ITGB4: variants seen among roughly 807,000 people sequenced by gnomAD.
ITGB4 encodes the protein integrin beta-4.
A neutral mutation model predicts 207.6 loss-of-function variants in ITGB4; 159 were observed. That is an observed-to-expected ratio of 0.77 (90% CI 0.67 to 0.87). The LOEUF is 0.87. ITGB4 is among the 40% of genes least tolerant of loss of function. The pLI is 0.00. For synonymous variants in ITGB4, 1,020 were observed against 1,062.7 expected (o/e 0.96, Z 0.78); for missense variants, 2,278 against 2,546.8 (o/e 0.89, Z 2.27).
rs374781459 is a variant in ITGB4 at position 75,740,963 on chromosome 17, G to A, written c.2610-19G>A. 45 of 1,613,860 alleles carry A rather than the reference G, an allele frequency of 2.8e-5. No homozygotes were observed. The highest frequency in any genetic ancestry group is 6.6e-5 in the South Asian group (6 of 91,082). ...ACTTCAGGGCTATCTAGCTCACAGCGCCCTCTTTGTCCCCACAGGCAGCAG... is the reference window on the plus strand; with the variant it reads ...ACTTCAGGGCTATCTAGCTCACAGCACCCTCTTTGTCCCCACAGGCAGCAG... On this transcript the variant is annotated intron_variant, in intron 22 of 39. Transcript: ENST00000200181. This position sits in a 1 kb window ranked among gnomAD's most constrained non-coding sequence, Gnocchi z 5.9.
At position 75,736,583 on chromosome 17, in the gene ITGB4, G is replaced by T; in HGVS notation, c.1879G>T (p.Glu627Ter). ...NYSAIHPGLC[E>*]DLRSCVQCQA... is the part of the protein sequence containing the mutation. ...CGCCAAGATCCACCCGGGCCTCTGC[G>T]AGGACCTACGCTCCTGCGTGCAGTG... The change falls in exon 16 of 40, where the codon GAG becomes TAG. Residue 627 changes from glutamate to a stop codon, truncating the protein, a stop_gained. Coordinates refer to ENST00000200181, the MANE Select transcript of ITGB4 (RefSeq NM_000213.5). LOFTEE classifies it high-confidence loss of function. 6.2e-7 allele frequency: 1 copy of T among 1,601,342 alleles called. No individual in the cohort carries two copies. Among genetic ancestry groups the T allele is most frequent in the South Asian group, 1.1e-5 (1 of 88,880 alleles).
rs2061048656 is a variant in ITGB4 at position 75,739,132 on chromosome 17, C to T, written c.2221-540C>T. ...CCAATATGGTGACACCCCATCTCTA[C>T]TAGAAATACAAAATTAGCTGGGCAT... is the stretch of plus-strand genomic sequence containing the variant. On this transcript the variant is annotated intron_variant, in intron 18 of 39. Coordinates refer to ENST00000200181, the MANE Select transcript of ITGB4 (RefSeq NM_000213.5). This position sits in a 1 kb window ranked among gnomAD's most constrained non-coding sequence, Gnocchi z 5.4. Among the ~76,000 whole-genome samples the T allele has an allele frequency of 6.6e-6, 1 of 151,826 alleles. No individual in the cohort carries two copies. The highest frequency in any genetic ancestry group is 1.5e-5 in the Non-Finnish European group (1 of 67,956).
intron 26 of ITGB4, among the ~76,000 whole-genome samples, chr17:75,746,707 G>C (rs1351408640): frequency 6.6e-6 from 1 of 151,346 alleles, no homozygotes; most frequent in East Asian, 2.0e-4. Context: ...TGGGAGGCCA[G>C]GGCGGGCAGA....
chr17:75,743,757 C>T lies in ITGB4; in HGVS notation c.3007C>T (p.Arg1003Cys), dbSNP rs913526266. 10 of 1,613,390 alleles carry T rather than the reference C, an allele frequency of 6.2e-6. No homozygotes were observed. Among genetic ancestry groups the T allele is most frequent in the Middle Eastern group, 1.6e-4 (1 of 6,084 alleles). ...TGAGCAGCCTGAGTTCTCGGTCAGC[C>T]GCGGGGACCAGGTGGCCCGCATCCC... ...SFEQPEFSVSRGDQVARIPVI... is the reference protein window; with the variant it reads ...SFEQPEFSVSCGDQVARIPVI... Residue 1003 changes from arginine to cysteine, a missense_variant, in exon 26 of 40, where the codon CGC becomes TGC. Physicochemically the swap from Arg to Cys is radical, Grantham distance 180. Transcript: ENST00000200181.
At position 75,752,292 on chromosome 17, in the gene ITGB4, C is replaced by G. The variant is rs1003801308; in HGVS notation, c.3912C>G (p.Ala1304=). 2.3e-5 allele frequency: 37 copies of G among 1,613,266 alleles called. No individual in the cohort carries two copies. Among genetic ancestry groups the G allele is most frequent in the Non-Finnish European group, 3.1e-5 (37 of 1,180,024 alleles). The change falls in exon 31 of 40, where the codon GCC becomes GCG. Residue 1304 remains alanine (A), a synonymous_variant. Coordinates refer to ENST00000200181, the MANE Select transcript of ITGB4 (RefSeq NM_000213.5). The part of the protein sequence containing the change: ...YRYTVKARNG[A]GWGPEREAII... ...ACACGGTGAAGGCGCGCAACGGGGC[C>G]GGCTGGGGGCCTGAGCGGGAGGCCA...
At position 75,727,661 on chromosome 17, in the gene ITGB4, T is replaced by C. The variant is rs770744295; in HGVS notation, c.275T>C (p.Ile92Thr). The C allele has an allele frequency of 1.1e-5, 17 of 1,606,370 alleles. No homozygotes were observed. In the African/African-American group the frequency reaches 1.3e-4, roughly 13 times the overall value. Residue 92 changes from isoleucine to threonine, a missense_variant, in exon 5 of 40, where the codon ATT (isoleucine) becomes ACT (threonine). Physicochemically the swap from Ile to Thr is moderately conservative, Grantham distance 89. Coordinates refer to ENST00000200181, the MANE Select transcript of ITGB4 (RefSeq NM_000213.5). This position sits in a 1 kb window ranked among gnomAD's most constrained non-coding sequence, Gnocchi z 6.0. The stretch of plus-strand genomic sequence containing the variant: ...TTCCACTGGCTGCAGGAGACCCAGA[T>C]TGACACCACCCTGCGGCGCAGCCAG... ...SSFQITEETQ[I>T]DTTLRRSQMS...
At chr17:75,752,151 C>T in intron 30 of ITGB4, 23 bp from the exon 31 acceptor site, 1 of 1,613,478 alleles carries the variant, frequency 6.2e-7, no homozygotes, top group South Asian at 1.1e-5. Flanking sequence ...GGGTGACCCT[C>T]TGAAGCACTC....
chr17:75,743,284 G>C (rs924891288), intron 25 of ITGB4, among the ~76,000 whole-genome samples: 4 of 152,168 alleles, frequency 2.6e-5, no homozygotes, highest in African/African-American at 9.7e-5. Flanking sequence ...CCAGGCTGGA[G>C]TGCAATGGCA....
intron 26 of ITGB4, among the ~76,000 whole-genome samples, chr17:75,744,990 C>T (rs1462385916): frequency 2.6e-5 from 4 of 152,132 alleles, no homozygotes; most frequent in African/African-American, 9.6e-5. Flanking sequence ...GTCTTAAACT[C>T]CTGATCTCAA....
Position 75,739,535 on chromosome 17 carries a change from T to C in ITGB4, c.2221-137T>C, listed in dbSNP as rs2143053015. 1.0e-6 allele frequency: 1 copy of C among 979,392 alleles called. No individual in the cohort carries two copies. The highest frequency in any genetic ancestry group is 1.3e-5 in the South Asian group (1 of 75,758). 60.7% of individuals were successfully genotyped at this position (979,392 alleles called of 1,614,324 possible). A position where few individuals can be genotyped will look rare whatever the true frequency, so the allele number is the denominator to read the frequency against. Reference sequence around the variant, plus strand: ...CTTGTGTGCCATGCTTACACCCTGCTACCACCTGGATATTCTGGTGTCTGG... The same window carrying C: ...CTTGTGTGCCATGCTTACACCCTGCCACCACCTGGATATTCTGGTGTCTGG... On this transcript the variant is annotated intron_variant, in intron 18 of 39. Transcript: ENST00000200181. The surrounding 1 kb of genome is among the most constrained non-coding windows in gnomAD (Gnocchi z 5.4).
intron 33 of ITGB4, among the ~76,000 whole-genome samples, chr17:75,754,199 C>G (rs911375258): frequency 6.6e-6 from 1 of 152,176 alleles, no homozygotes; most frequent in Non-Finnish European, 1.5e-5. Flanking sequence ...GGTGCAAATT[C>G]AGAAGTCTGC....
intron 26 of ITGB4, 56 bp from the exon 27 acceptor site, chr17:75,748,783 CAT>C: frequency 7.4e-7 from 1 of 1,358,126 alleles, no homozygotes; most frequent in Non-Finnish European, 1.0e-6. Context: ...AGCGTGTGGC[CAT>C]GACTCTTGCC....
At chr17:75,748,813 C>A (rs1271332211) in intron 26 of ITGB4, 28 bp from the exon 27 acceptor site, 13 of 1,566,356 alleles carry the variant, frequency 8.3e-6, no homozygotes, top group Non-Finnish European at 1.1e-5. Flanking sequence ...CCAGCCATGA[C>A]CCTGACCCTG....
chr17:75,737,557 C>T lies in ITGB4; in HGVS notation c.2133C>T (p.Phe711=), dbSNP rs1311158481. ...CTCCAGACTGCCCTCCGGGCTCCTT[C>T]TGGTGGCTCATCCCCCTGCTCCTCC... is the stretch of plus-strand genomic sequence containing the variant. ...HKKKDCPPGS[F]WWLIPLLLLL... The change falls in exon 18 of 40, where the codon TTC becomes TTT. Residue 711 remains phenylalanine, a synonymous_variant. Transcript: ENST00000200181. The T allele has an allele frequency of 6.3e-7, 1 of 1,589,694 alleles. No homozygotes were observed. Among genetic ancestry groups the T allele is most frequent in the Non-Finnish European group, 8.6e-7 (1 of 1,168,360 alleles).
rs1330270828 is a variant in ITGB4, at chr17:75,731,366, G to A, written c.1213G>A (p.Val405Met). 1.9e-6 allele frequency: 3 copies of A among 1,611,900 alleles called. No homozygotes were observed. The highest frequency in any genetic ancestry group is 1.7e-6 in the Non-Finnish European group (2 of 1,179,230). ...TGSFHIRRGEVGIYQVQLRAL... is the reference protein window; with the variant it reads ...TGSFHIRRGEMGIYQVQLRAL... Reference sequence around the variant, plus strand: ...GTCCTTTCACATCCGGCGGGGGGAAGTGGTACGCCTCTGTGGGGGCAGCGG... The same window carrying A: ...GTCCTTTCACATCCGGCGGGGGGAAATGGTACGCCTCTGTGGGGGCAGCGG... The change falls in exon 10 of 40, where the codon GTG (valine) becomes ATG (methionine). Residue 405 changes from valine to methionine, a missense_variant and splice_region_variant. By Grantham distance (21) the Val-to-Met change is conservative. Transcript: ENST00000200181. The surrounding 1 kb of genome is among the most constrained non-coding windows in gnomAD (Gnocchi z 6.8).
rs554755694 is a variant in ITGB4 at position 75,742,772 on chromosome 17, G to T, written c.2962+11G>T. ...TCATCAAGGAGCAAGGTGGGTCTGG[G>T]TGGGGAGAGTGGGGAAGGCAGACGG... On this transcript the variant is annotated intron_variant, in intron 25 of 39. Coordinates refer to ENST00000200181, the MANE Select transcript of ITGB4 (RefSeq NM_000213.5). This position sits in a 1 kb window ranked among gnomAD's most constrained non-coding sequence, Gnocchi z 5.9. The T allele has an allele frequency of 6.2e-7, 1 of 1,601,912 alleles. No homozygotes were observed. Among genetic ancestry groups the T allele is most frequent in the Non-Finnish European group, 8.5e-7 (1 of 1,177,972 alleles).
intron 18 of ITGB4, among the ~76,000 whole-genome samples, chr17:75,738,592 GAGCACCTGCTCTGGGGTC>G (rs1217913184): frequency 2.6e-5 from 4 of 152,130 alleles, no homozygotes; most frequent in African/African-American, 7.3e-5. Flanking sequence ...AGATCCCTGA[GAGCACCTGCTCTGGGGTC>G]AGCCACGTGC....
At chr17:75,756,074 C>T (rs1053368339) in intron 35 of ITGB4, among the ~76,000 whole-genome samples, 1 of 152,220 alleles carries the variant, frequency 6.6e-6, no homozygotes, top group Non-Finnish European at 1.5e-5. Context: ...CCTGGTCATT[C>T]TCTGCTAGGT....
At position 75,742,091 on chromosome 17, in the gene ITGB4, T is replaced by A. The variant is rs1315628787; in HGVS notation, c.2634-250T>A. Among the ~76,000 whole-genome samples, 2 of 152,206 alleles carry A rather than the reference T, an allele frequency of 1.3e-5. No individual in the cohort carries two copies. The highest frequency in any genetic ancestry group is 6.5e-5 in the Admixed American group (1 of 15,280). The stretch of plus-strand genomic sequence containing the variant: ...AGCATCTTTGCTGTCCAGCCCTTGA[T>A]GAGGTGGGCAGAGAAGCCCATTTCA... On this transcript the variant is annotated intron_variant, in intron 23 of 39. Coordinates refer to ENST00000200181, the MANE Select transcript of ITGB4 (RefSeq NM_000213.5). This position sits in a 1 kb window ranked among gnomAD's most constrained non-coding sequence, Gnocchi z 5.9.
Sources: gnomAD v4.1 joint callset for allele counts (sites outside exome capture counted in the v4.1 genomes callset) on GRCh38, gnomAD v4.1.1 for gene constraint, Gnocchi (gnomAD v3.1) non-coding constraint, MANE v1.5 for transcripts, NCBI Gene and HGNC (gene_info 2026-07-23, HGNC 2026-07-21) for gene names.